Variants in INSL6 observed in about 807,000 individuals in gnomAD.
The protein encoded by INSL6 is insulin like 6, also known as insulin-like peptide INSL6.
Under a neutral mutation model 9.4 loss-of-function variants are expected in INSL6, and 16 were observed. That is an observed-to-expected ratio of 1.70 (90% confidence interval 1.15 to 2.59). The LOEUF is 2.59. INSL6 is among the 30% of genes most tolerant of loss of function. The pLI, the probability that INSL6 is intolerant of heterozygous loss-of-function variation, is 0.00. For missense variants in INSL6, 391 were observed against 257.3 expected, an observed-to-expected ratio of 1.52 and a Z score of -3.56; for synonymous variants, 154 against 96.9, an observed-to-expected ratio of 1.59 and a Z score of -3.46.
At chr9:5,057,580 C>CT in the INSL6 span, among the ~76,000 whole-genome samples, 1,112 of 116,750 alleles carry the variant, frequency 9.5e-3, 14 homozygotes, top group South Asian at 0.019. Flanking sequence ...ATTCTACTTT[C>CT]TTTTTTTTTT....
the INSL6 span, among the ~76,000 whole-genome samples, chr9:4,995,366 G>C: frequency 6.6e-6 from 1 of 152,120 alleles, no homozygotes. Flanking sequence ...ATCTAGGTAG[G>C]TTCCTTCTAA....
At chr9:5,029,780 T>G in the INSL6 span, 1 of 1,602,778 alleles carries the variant, frequency 6.2e-7, no homozygotes, top group Non-Finnish European at 8.5e-7. Context: ...GCTTCTTTTC[T>G]AGGTATCACA....
chr9:5,054,827 C>T, the INSL6 span: 15 of 1,611,986 alleles, frequency 9.3e-6, no homozygotes, highest in East Asian at 2.2e-5. This position sits in a 1 kb window ranked among gnomAD's most constrained non-coding sequence, Gnocchi z 4.9. Flanking sequence ...TAACTGGAAA[C>T]GGTGGAATTC....
chr9:4,997,791 A>G, the INSL6 span, among the ~76,000 whole-genome samples: 1 of 152,246 alleles, frequency 6.6e-6, no homozygotes, highest in South Asian at 2.1e-4. Context: ...GCATGATAGT[A>G]TAAGTCTATC....
intron 1 of INSL6, among the ~76,000 whole-genome samples, chr9:5,165,022 A>G (rs552578397): frequency 1.1e-4 from 17 of 152,342 alleles, no homozygotes; most frequent in African/African-American, 4.1e-4. Flanking sequence ...AGCTTCGCCA[A>G]CATGGCGAAA....
At chr9:5,069,935 CCTT>C in the INSL6 span, 1 of 1,595,012 alleles carries the variant, frequency 6.3e-7, no homozygotes, top group African/African-American at 1.3e-5. Context: ...ATAAATCAAA[CCTT>C]CTAGTCTTCA....
chr9:5,114,701 C>T, the INSL6 span: 1 of 406,442 alleles, frequency 2.5e-6, no homozygotes, highest in Non-Finnish European at 4.8e-6. Flanking sequence ...TGGAGGTTAC[C>T]AGGGCTGAAT....
At chr9:4,992,837 A>G in the INSL6 span, among the ~76,000 whole-genome samples, 2 of 152,180 alleles carry the variant, frequency 1.3e-5, no homozygotes, top group Non-Finnish European at 2.9e-5. Context: ...CAATTCTGCA[A>G]CCTCACTGGG....
At chr9:5,010,661 A>G in the INSL6 span, among the ~76,000 whole-genome samples, 1 of 152,166 alleles carries the variant, frequency 6.6e-6, no homozygotes, top group South Asian at 2.1e-4. Context: ...GAAGAAGAAT[A>G]ATATTATAAT....
chr9:5,165,542 A>G (rs538113897), intron 1 of INSL6, among the ~76,000 whole-genome samples: 1 of 152,218 alleles, frequency 6.6e-6, no homozygotes, highest in East Asian at 1.9e-4. Flanking sequence ...GCATTTTTTC[A>G]TATGCTTATT....
the INSL6 span, among the ~76,000 whole-genome samples, chr9:5,068,522 A>G: frequency 2.0e-5 from 3 of 152,218 alleles, no homozygotes; most frequent in African/African-American, 7.2e-5. Context: ...TTCATTGCTC[A>G]GAAGAAGTGG....
chr9:5,062,651 TGATA>T, the INSL6 span, among the ~76,000 whole-genome samples: 1 of 152,130 alleles, frequency 6.6e-6, no homozygotes, highest in African/African-American at 2.4e-5. Flanking sequence ...TTTACAACTT[TGATA>T]GATTATTAAA....
At chr9:5,114,735 T>G in the INSL6 span, 1 of 362,374 alleles carries the variant, frequency 2.8e-6, no homozygotes, top group African/African-American at 2.1e-5. Flanking sequence ...CGAGTTCATC[T>G]GCTCTGTGGT....
the INSL6 span, among the ~76,000 whole-genome samples, chr9:5,028,140 A>G: frequency 6.6e-6 from 1 of 152,326 alleles, no homozygotes; most frequent in Admixed American, 6.5e-5. Flanking sequence ...TGTGTTTCCC[A>G]AATAATAAGA....
intron 2 of INSL6, among the ~76,000 whole-genome samples, chr9:5,158,496 G>C (rs1824861951): frequency 6.6e-6 from 1 of 152,060 alleles, no homozygotes; most frequent in Admixed American, 6.6e-5. Flanking sequence ...AAACAAACAA[G>C]ATATTAATAC....
At chr9:5,133,067 T>A (rs755396472) in intron 3 of INSL6, among the ~76,000 whole-genome samples, 86 of 152,298 alleles carry the variant, frequency 5.6e-4, no homozygotes, top group Non-Finnish European at 1.1e-3. Context: ...AGCAGAGGTG[T>A]TATGCCTCCA....
At chr9:5,005,083 ATTTTTTTTTTTTTTTTTTTTTTT>A in the INSL6 span, among the ~76,000 whole-genome samples, 310 of 40,024 alleles carry the variant, frequency 7.7e-3, 3 homozygotes, top group Non-Finnish European at 0.011. Context: ...TGCCTGGCTA[ATTTTTTTTTTTTTTTTTTTTTTT>A]TTTTTTTTTT....
the INSL6 span, among the ~76,000 whole-genome samples, chr9:5,052,777 C>G: frequency 0.016 from 2,493 of 152,086 alleles, 39 homozygotes; most frequent in South Asian, 0.069. Flanking sequence ...GCTTCTTTCA[C>G]TTAATATGAT....
At chr9:5,099,813 GC>G in the INSL6 span, 1 of 152,042 alleles carries the variant, frequency 6.6e-6, no homozygotes, top group Non-Finnish European at 1.5e-5. Flanking sequence ...ACCTCCTTGG[GC>G]TTCTACCCCA....
Sources: gnomAD v4.1 joint callset for allele counts (sites outside exome capture counted in the v4.1 genomes callset) on GRCh38, gnomAD v4.1.1 for gene constraint, Gnocchi (gnomAD v3.1) non-coding constraint, MANE v1.5 for transcripts, NCBI Gene and HGNC (gene_info 2026-07-23, HGNC 2026-07-21) for gene names.